The following SLC12A1 variants were observed in gnomAD, a reference collection of about 807,000 sequenced individuals.
SLC12A1 encodes the protein Na-K-2Cl cotransporter.
Under a neutral mutation model 130.4 loss-of-function variants are expected in SLC12A1, and 89 were observed. The ratio of observed to expected loss-of-function variants is 0.68; its 90% CI spans 0.58 to 0.81. The LOEUF (loss-of-function observed/expected upper bound fraction) is 0.81. Among genes scored for constraint, SLC12A1 ranks in the 40% least tolerant of loss-of-function variants. The pLI, the probability that SLC12A1 is intolerant of heterozygous loss-of-function variation, is 0.00. For missense variants in SLC12A1, 1,310 were observed against 1,336.4 expected (o/e 0.98, Z 0.31); for synonymous variants, 499 against 460.0 (o/e 1.08, Z -1.09).
intron 4 of SLC12A1, 95 bp from the exon 5 acceptor site, chr15:48,226,381 T>A: frequency 2.7e-6 from 2 of 743,178 alleles, no homozygotes; most frequent in Middle Eastern, 2.4e-4. Flanking sequence ...GGCATGGACC[T>A]GAAAACTTAA....
chr15:48,287,005 A>G (rs1348162982), intron 21 of SLC12A1, among the ~76,000 whole-genome samples: 2 of 152,228 alleles, frequency 1.3e-5, no homozygotes, highest in Non-Finnish European at 2.9e-5. Flanking sequence ...GACTCTAAAC[A>G]TGGAAACAAC....
At chr15:48,291,977 A>T in intron 24 of SLC12A1, 113 bp downstream of exon 24, 1 of 681,704 alleles carries the variant, frequency 1.5e-6, no homozygotes, top group Non-Finnish European at 2.5e-6. Flanking sequence ...ACTTCTTGAT[A>T]GGATCTAATA....
intron 20 of SLC12A1, among the ~76,000 whole-genome samples, chr15:48,283,517 G>C (rs2042028274): frequency 6.6e-6 from 1 of 152,136 alleles, no homozygotes; most frequent in Non-Finnish European, 1.5e-5. Flanking sequence ...AAATCACATG[G>C]GTGATTTGAC....
chr15:48,246,911 C>G lies in SLC12A1; in HGVS notation c.1455C>G (p.Val485=), dbSNP rs766150702. The part of the protein sequence containing the change: ...CQYGLMNNFQ[V]MSMVSGFGPL... ...TTACTTGTACCTCTCTTCTCAAGGT[C>G]ATGAGCATGGTATCAGGGTTCGGCC... Residue 485 remains valine (V), a splice_region_variant and synonymous_variant, in exon 12 of 27, where the codon GTC becomes GTG. Coordinates refer to ENST00000380993, the MANE Select transcript of SLC12A1 (RefSeq NM_000338.3). 3 of 1,611,580 alleles carry G rather than the reference C, an allele frequency of 1.9e-6. No homozygotes were observed. The East Asian group carries it at 6.7e-5, about 36-fold the overall frequency.
intron 9 of SLC12A1, 125 bp downstream of exon 9, chr15:48,235,129 A>G (rs771457828): frequency 9.9e-7 from 1 of 1,015,130 alleles, no homozygotes; most frequent in Non-Finnish European, 1.5e-6. Context: ...TTTCTGCAAG[A>G]TTTCCTGATG....
At position 48,226,511 on chromosome 15, in the gene SLC12A1, G is replaced by A. The variant is rs1444130096; in HGVS notation, c.664G>A (p.Val222Ile). The A allele has an allele frequency of 6.2e-7, 1 of 1,605,648 alleles. No individual in the cohort carries two copies. Among genetic ancestry groups the A allele is most frequent in the Non-Finnish European group, 8.5e-7 (1 of 1,176,878 alleles). Reference protein sequence around the residue: ...GVLIILLSTMVTSITGLSTSA... With the variant: ...GVLIILLSTMITSITGLSTSA... ...TCTCATAATTCTTCTTTCCACCATG[G>A]TAACTTCTATTACTGGGTTGTCAAC... The change falls in exon 5 of 27, where the codon GTA becomes ATA. Residue 222 changes from valine (V) to isoleucine (I), a missense_variant. Physicochemically the swap from Val to Ile is conservative, Grantham distance 29. Coordinates refer to ENST00000380993, the MANE Select transcript of SLC12A1 (RefSeq NM_000338.3).
intron 2 of SLC12A1, among the ~76,000 whole-genome samples, chr15:48,210,518 T>C (rs1272004327): frequency 1.3e-5 from 2 of 152,154 alleles, no homozygotes; most frequent in Admixed American, 1.3e-4. Context: ...TATGTAAATC[T>C]TTCAATAAAG....
chr15:48,270,604 T>C (rs1270127082), intron 19 of SLC12A1, among the ~76,000 whole-genome samples: 1 of 144,236 alleles, frequency 6.9e-6, no homozygotes, highest in Non-Finnish European at 1.5e-5. Context: ...GTATTATATA[T>C]TTTATACTAT....
Position 48,244,799 on chromosome 15 carries a change from C to A in SLC12A1, c.1347C>A (p.Ile449=), listed in dbSNP as rs1266172542. 1 of 1,613,954 alleles carries A rather than the reference C, an allele frequency of 6.2e-7. No individual in the cohort carries two copies. The highest frequency in any genetic ancestry group is 1.3e-5 in the African/African-American group (1 of 75,028). ...CCACCGGGAACATGAATGACACCAT[C>A]ATTTCTGGGATGAACTGCAATGGTT... ...RDATGNMNDT[I]ISGMNCNGSA... Residue 449 remains isoleucine, a synonymous_variant, in exon 11 of 27, where the codon ATC becomes ATA. Transcript: ENST00000380993.
intron 9 of SLC12A1, chr15:48,237,127 C>A: frequency 1.5e-6 from 1 of 659,518 alleles, no homozygotes; most frequent in South Asian, 1.7e-5. Context: ...TGCCTGTCCC[C>A]TCAAAAAGTA....
intron 13 of SLC12A1, among the ~76,000 whole-genome samples, chr15:48,247,842 C>G (rs943744780): frequency 4.6e-5 from 7 of 152,158 alleles, no homozygotes; most frequent in Non-Finnish European, 7.3e-5. Context: ...CCATCTATAT[C>G]GCAATCACCT....
At chr15:48,224,759 T>A (rs2041262264) in intron 4 of SLC12A1, 1 of 152,232 alleles carries the variant, frequency 6.6e-6, no homozygotes, top group East Asian at 1.9e-4. Flanking sequence ...TTGTATCTAC[T>A]TTTTTTCGGT....
chr15:48,295,004 T>C (rs1328381028), intron 24 of SLC12A1, among the ~76,000 whole-genome samples: 1 of 151,592 alleles, frequency 6.6e-6, no homozygotes, highest in Non-Finnish European at 1.5e-5. Context: ...CTCTAACTCC[T>C]GGGCTCAAGA....
intron 19 of SLC12A1, among the ~76,000 whole-genome samples, chr15:48,270,973 C>A (rs112881758): frequency 0.025 from 3,721 of 150,488 alleles, 72 homozygotes; most frequent in African/African-American, 0.047. Context: ...CCTGTAATCC[C>A]AGCATTTTGG....
chr15:48,272,858 A>G (rs1193380958), intron 19 of SLC12A1, among the ~76,000 whole-genome samples: 8 of 152,148 alleles, frequency 5.3e-5, no homozygotes, highest in Non-Finnish European at 1.0e-4. Flanking sequence ...CTATAATCCC[A>G]GCACTTTGGG....
intron 20 of SLC12A1, among the ~76,000 whole-genome samples, chr15:48,279,338 C>T (rs1176820426): frequency 1.3e-5 from 2 of 152,196 alleles, no homozygotes; most frequent in Non-Finnish European, 2.9e-5. Context: ...TTTTCCAACA[C>T]AGGCACCACA....
chr15:48,260,627 C>G (rs1221707724), intron 17 of SLC12A1, among the ~76,000 whole-genome samples: 1 of 152,120 alleles, frequency 6.6e-6, no homozygotes, highest in African/African-American at 2.4e-5. Context: ...AGATATCAGT[C>G]CAGGCCACAC....
At chr15:48,220,133 A>AGATG (rs1273459099) in intron 2 of SLC12A1, among the ~76,000 whole-genome samples, 3 of 109,712 alleles carry the variant, frequency 2.7e-5, no homozygotes, top group African/African-American at 6.2e-5. Flanking sequence ...AAAAAAAGGT[A>AGATG]GATAGATAGA....
chr15:48,226,512 T>C lies in SLC12A1; in HGVS notation c.665T>C (p.Val222Ala). The C allele has an allele frequency of 6.2e-7, 1 of 1,606,366 alleles. No homozygotes were observed. Among genetic ancestry groups the C allele is most frequent in the Non-Finnish European group, 8.5e-7 (1 of 1,176,884 alleles). Residue 222 changes from valine to alanine, a missense_variant, in exon 5 of 27, where the codon GTA becomes GCA. Coordinates refer to ENST00000380993, the MANE Select transcript of SLC12A1 (RefSeq NM_000338.3). The stretch of plus-strand genomic sequence containing the variant: ...CTCATAATTCTTCTTTCCACCATGG[T>C]AACTTCTATTACTGGGTTGTCAACT... ...GVLIILLSTMVTSITGLSTSA... is the reference protein window; with the variant it reads ...GVLIILLSTMATSITGLSTSA...
Sources: allele counts gnomAD v4.1 joint callset (sites outside exome capture counted in the v4.1 genomes callset), GRCh38; gene constraint gnomAD v4.1.1; transcripts MANE v1.5; gene names NCBI Gene and HGNC (gene_info 2026-07-23, HGNC 2026-07-21).